Variants in STK36 observed in about 807,000 individuals in gnomAD.
The protein encoded by STK36 is serine/threonine kinase 36.
In STK36, 116 loss-of-function variants were observed where a neutral mutation model predicts 142.2. The observed-to-expected ratio is 0.82, with a 90% CI of 0.70 to 0.95. The LOEUF (loss-of-function observed/expected upper bound fraction) is 0.95, where lower values mean the gene tolerates loss of function less well. STK36 is among the 40% of genes least tolerant of loss of function. The pLI, the probability that STK36 is intolerant of heterozygous loss-of-function variation, is 0.00. For synonymous variants in STK36, 619 were observed against 641.7 expected (o/e 0.96, Z 0.53); for missense variants, 1,422 against 1,617.2 (o/e 0.88, Z 2.07).
intron 25 of STK36, among the ~76,000 whole-genome samples, 179 bp from the exon 26 acceptor site, chr2:218,698,423 A>C (rs1418482047): frequency 6.6e-6 from 1 of 152,186 alleles, no homozygotes; most frequent in Non-Finnish European, 1.5e-5. Context: ...GATCTTGGAA[A>C]GAACCTGCTC....
chr2:218,680,670 C>T lies in STK36; in HGVS notation c.1204C>T (p.Arg402Trp), dbSNP rs757981355. 2.1e-5 allele frequency: 34 copies of T among 1,613,136 alleles called. No individual in the cohort carries two copies. The highest frequency in any genetic ancestry group is 2.7e-5 in the Non-Finnish European group (32 of 1,179,766). ...GGAGAGGCCAGAGGTGCTGGGCCAGCGGAGCACTGATGTAGTGGACCTGGA... is the reference window on the plus strand; with the variant it reads ...GGAGAGGCCAGAGGTGCTGGGCCAGTGGAGCACTGATGTAGTGGACCTGGA... ...PEERPEVLGQ[R>W]STDVVDLENE... The change falls in exon 10 of 27, where the codon CGG becomes TGG. Residue 402 changes from arginine (R) to tryptophan (W), a missense_variant. Transcript: ENST00000295709.
Position 218,690,447 on chromosome 2 carries a change from C to G in STK36, c.1659-3C>G. ...AAATCATGGGCTCATTTTCCACCCC[C>G]AGCCTGCAGGTGTTTCAGGAGGCTG... On this transcript the variant is annotated splice_polypyrimidine_tract_variant and splice_region_variant and intron_variant, in intron 13 of 26. Coordinates refer to ENST00000295709, the MANE Select transcript of STK36 (RefSeq NM_015690.5). The G allele has an allele frequency of 6.2e-7, 1 of 1,613,780 alleles. No individual in the cohort carries two copies. Among genetic ancestry groups the G allele is most frequent in the Non-Finnish European group, 8.5e-7 (1 of 1,179,722 alleles).
At chr2:218,686,339 C>A (rs898360379) in intron 11 of STK36, among the ~76,000 whole-genome samples, 1 of 152,096 alleles carries the variant, frequency 6.6e-6, no homozygotes, top group Admixed American at 6.6e-5. Flanking sequence ...GTCACTGCAG[C>A]CTCTGCCTCC....
At position 218,693,595 on chromosome 2, in the gene STK36, G is replaced by A. The variant is rs942554854; in HGVS notation, c.2149-128G>A. 6.5e-6 allele frequency: 6 copies of A among 919,894 alleles called. 1 individual carries two copies. Among genetic ancestry groups the A allele is most frequent in the South Asian group, 4.8e-5 (3 of 62,300 alleles). The allele number at this position is 919,894 out of a possible 1,614,324, so 57.0% of individuals were successfully genotyped here. Reference sequence around the variant, plus strand: ...ATCTCATAGCAAGAGGCAGAAGGGGGTTCTCTCACACTCCCAAGTGTGGGT... The same window carrying A: ...ATCTCATAGCAAGAGGCAGAAGGGGATTCTCTCACACTCCCAAGTGTGGGT... On this transcript the variant is annotated intron_variant, in intron 17 of 26. Coordinates refer to ENST00000295709, the MANE Select transcript of STK36 (RefSeq NM_015690.5).
At chr2:218,674,881 T>A (rs1940163729) in intron 4 of STK36, among the ~76,000 whole-genome samples, 2 of 152,220 alleles carry the variant, frequency 1.3e-5, no homozygotes, top group Non-Finnish European at 2.9e-5. Context: ...ATTACAGGTG[T>A]GAGCCACCAC....
Position 218,702,036 on chromosome 2 carries a change from A to T in STK36, c.*27A>T. The T allele has an allele frequency of 6.2e-7, 1 of 1,611,440 alleles. No homozygotes were observed. Among genetic ancestry groups the T allele is most frequent in the Non-Finnish European group, 8.5e-7 (1 of 1,178,512 alleles). On this transcript the variant is annotated 3_prime_UTR_variant, in exon 27 of 27. Transcript: ENST00000295709. ...TCCAGATTCCTGCGGTCCAGCCTCC[A>T]ACTTTGGTTGCCAGCTCTTTCTTAT...
chr2:218,679,792 A>G, intron 8 of STK36, 63 bp downstream of exon 8: 1 of 1,610,154 alleles, frequency 6.2e-7, no homozygotes, highest in Non-Finnish European at 8.5e-7. Flanking sequence ...TTAGAGGAGG[A>G]GGGTGACTTT....
At chr2:218,677,594 C>G (rs190310783) in intron 6 of STK36, among the ~76,000 whole-genome samples, 1 of 152,300 alleles carries the variant, frequency 6.6e-6, no homozygotes, top group East Asian at 1.9e-4. Flanking sequence ...GCCATCTATT[C>G]CACTTACTTC....
intron 10 of STK36, among the ~76,000 whole-genome samples, chr2:218,681,937 A>G (rs1171593478): frequency 1.3e-5 from 2 of 150,666 alleles, no homozygotes; most frequent in African/African-American, 2.4e-5. Flanking sequence ...TATTTTTTTT[A>G]TTTTTTTGAG....
In STK36 at chr2:218,701,890, G is replaced by A. The variant is rs772301439; in HGVS notation, c.3829G>A (p.Glu1277Lys). ...HQVLVSLGAS[E>K]KLSLLSLGNQ... ...GGTACTGGTGTCCCTGGGTGCCAGTGAGAAACTATCCTTGCTCTCTCTGGG... is the reference window on the plus strand; with the variant it reads ...GGTACTGGTGTCCCTGGGTGCCAGTAAGAAACTATCCTTGCTCTCTCTGGG... Residue 1277 changes from glutamate to lysine, a missense_variant, in exon 27 of 27, where the codon GAG becomes AAG. Physicochemically the swap from Glu to Lys is moderately conservative, Grantham distance 56. Transcript: ENST00000295709. 1.2e-6 allele frequency: 2 copies of A among 1,614,026 alleles called. No individual in the cohort carries two copies. The highest frequency in any genetic ancestry group is 4.5e-5 in the East Asian group (2 of 44,896).
At position 218,679,655 on chromosome 2, in the gene STK36, T is replaced by C. The variant is rs754547748; in HGVS notation, c.874T>C (p.Leu292=). The C allele has an allele frequency of 6.2e-7, 1 of 1,614,158 alleles. No individual in the cohort carries two copies. Among genetic ancestry groups the C allele is most frequent in the Non-Finnish European group, 8.5e-7 (1 of 1,180,038 alleles). ...QVLKDEQAHR[L]APKGNQSRIL... ...CCTAAAGGACGAACAGGCCCATCGG[T>C]TGGCCCCCAAGGGTAATCAGTCTCG... Residue 292 remains leucine (L), a synonymous_variant, in exon 8 of 27, where the codon TTG becomes CTG. Transcript: ENST00000295709.
At chr2:218,684,994 C>T in intron 10 of STK36, 91 bp from the exon 11 acceptor site, 1 of 1,537,546 alleles carries the variant, frequency 6.5e-7, no homozygotes. Context: ...CTTGCAGTTA[C>T]TTCATGATTC....
chr2:218,690,506 T>C lies in STK36; in HGVS notation c.1715T>C (p.Leu572Pro). ...TTTCTGGACCTGTTGGGGAAACTGC[T>C]GGCCCAACCAGATGACTCTGAGCAG... ...NLFLDLLGKLLAQPDDSEQTL... is the reference protein window; with the variant it reads ...NLFLDLLGKLPAQPDDSEQTL... Residue 572 changes from leucine to proline, a missense_variant, in exon 14 of 27, where the codon CTG (leucine) becomes CCG (proline). This residue lies in a region of STK36 where 962 missense variants were observed against 1,167.5 expected (regional missense o/e 0.82). Transcript: ENST00000295709. 3 of 1,614,178 alleles carry C rather than the reference T, an allele frequency of 1.9e-6. No homozygotes were observed. Among genetic ancestry groups the C allele is most frequent in the Non-Finnish European group, 2.5e-6 (3 of 1,180,022 alleles).
At position 218,701,831 on chromosome 2, in the gene STK36, A is replaced by G. The variant is rs756659189; in HGVS notation, c.3805-35A>G. 7 of 1,610,180 alleles carry G rather than the reference A, an allele frequency of 4.3e-6. No homozygotes were observed. The African/African-American group carries it at 5.3e-5, about 12-fold the overall frequency. ...CCAGACACCACCATTTCTGAGCCTC[A>G]TGTTCTGTTCTATCATCTGTTCTCT... is the stretch of plus-strand genomic sequence containing the variant. On this transcript the variant is annotated intron_variant, in intron 26 of 26. Transcript: ENST00000295709.
rs199736780 is a variant in STK36 at position 218,693,962 on chromosome 2, G to A, written c.2315G>A (p.Arg772Gln). The change falls in exon 19 of 27, where the codon CGG (arginine) becomes CAG (glutamine). Residue 772 changes from arginine to glutamine, a missense_variant. By Grantham distance (43) the Arg-to-Gln change is conservative. Around this residue, in one of 2 missense-constraint regions of STK36, gnomAD observed 962 missense variants for 1,167.5 expected, o/e 0.82. Transcript: ENST00000295709. ...TLYFLSLLVF[R>Q]LQNLPCGMEK... The stretch of plus-strand genomic sequence containing the variant: ...TACTTCCTCTCCCTTCTTGTCTTTC[G>A]GCTCCAAAACCTGCCTTGTGGGTAA... 2.8e-5 allele frequency: 45 copies of A among 1,614,196 alleles called. No individual in the cohort carries two copies. Among genetic ancestry groups the A allele is most frequent in the East Asian group, 1.8e-4 (8 of 44,886 alleles).
chr2:218,699,034 A>G lies in STK36; in HGVS notation c.3490A>G (p.Lys1164Glu), dbSNP rs1473347466. Residue 1164 changes from lysine (K) to glutamate (E), a missense_variant, in exon 26 of 27, where the codon AAG (lysine) becomes GAG (glutamate). Transcript: ENST00000295709. ...CCTTCTGCTGCTTGGGCTTGGAGAC[A>G]AGGATCCTGTTGTGCGGTGCAGTGC... Reference protein sequence around the residue: ...LSLLLLGLGDKDPVVRCSASF... With the variant: ...LSLLLLGLGDEDPVVRCSASF... 10 of 1,613,980 alleles carry G rather than the reference A, an allele frequency of 6.2e-6. No homozygotes were observed. The highest frequency in any genetic ancestry group is 1.7e-5 in the Admixed American group (1 of 60,002).
At chr2:218,696,771 A>T in intron 22 of STK36, 170 bp downstream of exon 22, 1 of 921,528 alleles carries the variant, frequency 1.1e-6, no homozygotes, top group East Asian at 2.4e-5. Context: ...GACCCTTTGA[A>T]GGAAACCATT....
Position 218,694,148 on chromosome 2 carries a change from GTGCCTTGGAGGTAGACA to G in STK36, c.2337-112_2337-96del. On this transcript the variant is annotated intron_variant, in intron 19 of 26. Transcript: ENST00000295709. The surrounding 1 kb of genome is among the most constrained non-coding windows in gnomAD (Gnocchi z 4.4). The stretch of plus-strand genomic sequence containing the variant: ...ACAGACCTAGACTCCCATCAACTTT[GTGCCTTGGAGGTAGACA>G]TGCAGCCTAGGTGAAGAACACCATG... 4 of 1,187,274 alleles carry G rather than the reference GTGCCTTGGAGGTAGACA, an allele frequency of 3.4e-6. No individual in the cohort carries two copies. In the East Asian group the frequency reaches 9.4e-5, roughly 28 times the overall value. The allele number at this position is 1,187,274 out of a possible 1,614,324, so 73.5% of individuals were successfully genotyped here.
Position 218,698,904 on chromosome 2 carries a change from C to CCCAGAGAAT in STK36, c.3361_3369dup (p.Pro1121_Asn1123dup). On this transcript the variant is annotated inframe_insertion, in exon 26 of 27. Transcript: ENST00000295709. ...GGCCCCTGCGCAGCCTCCTGGGCCACCCAGAGAATTCTGTGCGGGCACACA... is the reference window on the plus strand; with the variant it reads ...GGCCCCTGCGCAGCCTCCTGGGCCACCCAGAGAATCCAGAGAATTCTGTGCGGGCACACA... The CCCAGAGAAT allele has an allele frequency of 6.2e-7, 1 of 1,614,196 alleles. No individual in the cohort carries two copies. The highest frequency in any genetic ancestry group is 2.2e-5 in the East Asian group (1 of 44,868).
Sources: allele counts gnomAD v4.1 joint callset (sites outside exome capture counted in the v4.1 genomes callset), GRCh38; gene constraint gnomAD v4.1.1; regional missense constraint gnomAD v4.1.1; non-coding constraint Gnocchi (gnomAD v3.1); transcripts MANE v1.5; gene names NCBI Gene and HGNC (gene_info 2026-07-23, HGNC 2026-07-21).